SLC9A2: variants seen among roughly 807,000 people sequenced by gnomAD.
SLC9A2 encodes sodium/hydrogen exchanger 2.
SLC9A2 carries 42 observed loss-of-function variants against 71.7 expected under a neutral mutation model. The observed-to-expected ratio is 0.59, with a 90% CI of 0.46 to 0.76. The LOEUF (loss-of-function observed/expected upper bound fraction) is 0.76, where lower values mean the gene tolerates loss of function less well. Ranked by LOEUF, SLC9A2 falls within the 30% of genes least tolerant of loss-of-function variation. The pLI, the probability that SLC9A2 is intolerant of heterozygous loss-of-function variation, is 0.00. For missense variants in SLC9A2, 829 were observed against 1,017.4 expected (o/e 0.81, Z 2.52); for synonymous variants, 396 against 392.5 (o/e 1.01, Z -0.10).
chr2:102,635,108 A>G (rs142507780), intron 1 of SLC9A2, among the ~76,000 whole-genome samples: 54 of 152,356 alleles, frequency 3.5e-4, no homozygotes, highest in African/African-American at 1.1e-3. Context: ...AGTGCTGCCT[A>G]AAGTAATTAT....
chr2:102,652,783 T>C lies in SLC9A2; in HGVS notation c.290-4781T>C, dbSNP rs972716761. ...CATCCAAAAATTCCTTTGCTTTTTT[T>C]CCCCCAATAACTGATATATTTGTCA... On this transcript the variant is annotated intron_variant, in intron 1 of 11. Coordinates refer to ENST00000233969, the MANE Select transcript of SLC9A2 (RefSeq NM_003048.6). Among the ~76,000 whole-genome samples the C allele has an allele frequency of 4.6e-5, 7 of 152,274 alleles. No individual in the cohort carries two copies. In the East Asian group the frequency reaches 1.4e-3, roughly 29 times the overall value.
intron 10 of SLC9A2, 149 bp downstream of exon 10, chr2:102,704,824 G>T (rs900664691): frequency 4.0e-6 from 3 of 749,232 alleles, no homozygotes; most frequent in Non-Finnish European, 6.5e-6. Context: ...GCCGGGGGAA[G>T]TGAGTGTTCA....
chr2:102,701,474 C>G (rs1677874430), intron 8 of SLC9A2, among the ~76,000 whole-genome samples: 2 of 152,108 alleles, frequency 1.3e-5, no homozygotes, highest in Admixed American at 6.6e-5. Flanking sequence ...ATCAGCCAAT[C>G]AATATGTAAC....
At position 102,657,882 on chromosome 2, in the gene SLC9A2, CT is replaced by C; in HGVS notation, c.611del (p.Leu204CysfsTer10). 1 of 1,614,272 alleles carries C rather than the reference CT, an allele frequency of 6.2e-7. No individual in the cohort carries two copies. Among genetic ancestry groups the C allele is most frequent in the Non-Finnish European group, 8.5e-7 (1 of 1,180,048 alleles). On this transcript the variant is annotated frameshift_variant, in exon 2 of 12. Coordinates refer to ENST00000233969, the MANE Select transcript of SLC9A2 (RefSeq NM_003048.6). LOFTEE classifies it high-confidence loss of function. ...GAAGCATTCGGCCTCAGCGACATCACTTTGCTCCAGAACCTGCTCTTTGGCA... is the reference window on the plus strand; with the variant it reads ...GAAGCATTCGGCCTCAGCGACATCACTTGCTCCAGAACCTGCTCTTTGGCA... ...QIEAFGLSDI[T>X]LLQNLLFGSL...
rs1558726944 is a variant in SLC9A2 at position 102,708,106 on chromosome 2, TG to T, written c.2069-12del. On this transcript the variant is annotated splice_polypyrimidine_tract_variant and intron_variant, in intron 11 of 11. Transcript: ENST00000233969. Reference sequence around the variant, plus strand: ...TAAAATGCTTGCCCACCTTGTCTTTTGCTCCGTGATAGATGGCAATAGCAGC... The same window carrying T: ...TAAAATGCTTGCCCACCTTGTCTTTTCTCCGTGATAGATGGCAATAGCAGC... 1 of 1,601,218 alleles carries T rather than the reference TG, an allele frequency of 6.2e-7. No individual in the cohort carries two copies. The highest frequency in any genetic ancestry group is 8.5e-7 in the Non-Finnish European group (1 of 1,174,278).
At position 102,619,614 on chromosome 2, in the gene SLC9A2, G is replaced by C. The variant is rs1196823537; in HGVS notation, c.-235G>C. 1 of 401,080 alleles carries C rather than the reference G, an allele frequency of 2.5e-6. No homozygotes were observed. The highest frequency in any genetic ancestry group is 4.4e-6 in the Non-Finnish European group (1 of 228,258). 24.8% of individuals were successfully genotyped at this position (401,080 alleles called of 1,614,324 possible). On this transcript the variant is annotated 5_prime_UTR_variant, in exon 1 of 12. Transcript: ENST00000233969. This position sits in a 1 kb window ranked among gnomAD's most constrained non-coding sequence, Gnocchi z 4.3. ...GCGGAGGGCGGCTGAGGGCTGCTGA[G>C]GGTACGCGCAGCGGCCTCTCGTCGC...
rs1678066724 is a variant in SLC9A2 at position 102,709,754 on chromosome 2, T to A, written c.*1265T>A. 6.5e-6 allele frequency: 1 copy of A among 152,704 alleles called. No homozygotes were observed. The highest frequency in any genetic ancestry group is 2.4e-5 in the African/African-American group (1 of 41,444). The allele number at this position is 152,704 out of a possible 1,614,324, so 9.5% of individuals were successfully genotyped here. On this transcript the variant is annotated 3_prime_UTR_variant, in exon 12 of 12. Coordinates refer to ENST00000233969, the MANE Select transcript of SLC9A2 (RefSeq NM_003048.6). ...AGAAGTGGAACATAAGCATTCAAGATTAATATTTGATTCTCTATCTCTTAA... is the reference window on the plus strand; with the variant it reads ...AGAAGTGGAACATAAGCATTCAAGAATAATATTTGATTCTCTATCTCTTAA...
intron 6 of SLC9A2, 45 bp from the exon 7 acceptor site, chr2:102,694,998 A>G (rs1677727688): frequency 6.6e-7 from 1 of 1,515,064 alleles, no homozygotes; most frequent in Non-Finnish European, 9.1e-7. Context: ...AAAATTATTG[A>G]TTTCAGGTAA....
chr2:102,684,008 G>A, intron 4 of SLC9A2, 126 bp from the exon 5 acceptor site: 3 of 680,076 alleles, frequency 4.4e-6, no homozygotes, highest in Non-Finnish European at 7.6e-6. Flanking sequence ...GAGAAAAAGG[G>A]GAAAGACTTT....
At chr2:102,640,207 G>A (rs573390770) in intron 1 of SLC9A2, among the ~76,000 whole-genome samples, 3 of 152,358 alleles carry the variant, frequency 2.0e-5, no homozygotes, top group Non-Finnish European at 4.4e-5. Context: ...ATACTAGGAA[G>A]AAACTTGTGT....
At chr2:102,653,561 G>A (rs1430596545) in intron 1 of SLC9A2, among the ~76,000 whole-genome samples, 2 of 152,176 alleles carry the variant, frequency 1.3e-5, no homozygotes, top group Non-Finnish European at 2.9e-5. Flanking sequence ...GAGCATGGCA[G>A]GTGCATTGGC....
intron 3 of SLC9A2, among the ~76,000 whole-genome samples, chr2:102,669,839 T>A (rs752125832): frequency 6.6e-6 from 1 of 152,108 alleles, no homozygotes; most frequent in Admixed American, 6.5e-5. Context: ...CTTTTGGACT[T>A]CAGGCTCCTT....
At chr2:102,643,830 A>G (rs565783612) in intron 1 of SLC9A2, among the ~76,000 whole-genome samples, 3 of 151,676 alleles carry the variant, frequency 2.0e-5, no homozygotes, top group Non-Finnish European at 4.4e-5. Flanking sequence ...GAGTGCAGTG[A>G]TTATTCATAG....
At chr2:102,685,998 G>A (rs1286932982) in intron 5 of SLC9A2, among the ~76,000 whole-genome samples, 1 of 152,240 alleles carries the variant, frequency 6.6e-6, no homozygotes, top group Non-Finnish European at 1.5e-5. Context: ...GGGAAGAAGG[G>A]AGCAGCCAAG....
At chr2:102,686,741 T>C (rs1461303685) in intron 5 of SLC9A2, 1 of 152,404 alleles carries the variant, frequency 6.6e-6, no homozygotes, top group Non-Finnish European at 1.5e-5. Flanking sequence ...TTGTGTTGTG[T>C]GGAATGTCAG....
At chr2:102,636,274 T>C (rs1392290815) in intron 1 of SLC9A2, among the ~76,000 whole-genome samples, 2 of 152,242 alleles carry the variant, frequency 1.3e-5, no homozygotes, top group East Asian at 3.8e-4. Context: ...TCTAGCAAGC[T>C]TGGAAAATAC....
At chr2:102,683,584 C>T in intron 4 of SLC9A2, 106 bp downstream of exon 4, 1 of 845,600 alleles carries the variant, frequency 1.2e-6, no homozygotes, top group Non-Finnish European at 1.9e-6. Flanking sequence ...TTTATGTCTG[C>T]TTAATTTCTT....
At chr2:102,684,050 G>T (rs557738818) in intron 4 of SLC9A2, 84 bp from the exon 5 acceptor site, 2 of 1,006,746 alleles carry the variant, frequency 2.0e-6, no homozygotes, top group Non-Finnish European at 3.1e-6. Flanking sequence ...TGTCCCCATC[G>T]CAGAAGCACA....
intron 9 of SLC9A2, among the ~76,000 whole-genome samples, chr2:102,703,869 G>A (rs1376645136): frequency 6.6e-6 from 1 of 152,226 alleles, no homozygotes; most frequent in Non-Finnish European, 1.5e-5. Flanking sequence ...ATTGTGGGGA[G>A]TGTCACCAGC....
Sources: allele counts gnomAD v4.1 joint callset (sites outside exome capture counted in the v4.1 genomes callset), GRCh38; gene constraint gnomAD v4.1.1; non-coding constraint Gnocchi (gnomAD v3.1); transcripts MANE v1.5; gene names NCBI Gene and HGNC (gene_info 2026-07-23, HGNC 2026-07-21).